Variants in C10orf88 observed in about 807,000 individuals in gnomAD.
C10orf88 encodes the protein ATPase PAAT.
A neutral mutation model predicts 34.2 loss-of-function variants in C10orf88; 29 were observed. That is an observed-to-expected ratio of 0.85 (90% CI 0.63 to 1.16). C10orf88 has a LOEUF of 1.16. Among genes scored for constraint, C10orf88 ranks in the 50% most tolerant of loss-of-function variants. C10orf88 has a pLI of 0.00. For synonymous variants in C10orf88, 194 were observed against 197.4 expected (o/e 0.98, Z 0.15); for missense variants, 507 against 533.2 (o/e 0.95, Z 0.48).
chr10:122,949,122 C>T lies in C10orf88; in HGVS notation c.442-267G>A, dbSNP rs186220099. Among the ~76,000 whole-genome samples, 198 of 152,154 alleles carry T rather than the reference C, an allele frequency of 1.3e-3. 1 individual carries two copies. The highest frequency in any genetic ancestry group is 4.4e-3 in the African/African-American group (183 of 41,532). ...AATGAGGTGATTAAATAAATGTTTA[C>T]CTATTTAAAGAACTAAAAATAAACT... On this transcript the variant is annotated intron_variant, in intron 3 of 5. Coordinates refer to ENST00000481909, the MANE Select transcript of C10orf88 (RefSeq NM_024942.4).
At chr10:122,941,288 C>T (rs1271074864) in intron 4 of C10orf88, among the ~76,000 whole-genome samples, 1 of 151,996 alleles carries the variant, frequency 6.6e-6, no homozygotes, top group East Asian at 1.9e-4. Context: ...AAATCAAAGC[C>T]AGCAAACTGA....
At chr10:122,951,748 C>T (rs1421781754) in intron 3 of C10orf88, among the ~76,000 whole-genome samples, 1 of 151,932 alleles carries the variant, frequency 6.6e-6, no homozygotes, top group Admixed American at 6.6e-5. Context: ...AGGAAGTTAG[C>T]TTGAGCTGGG....
rs1848664865 is a variant in C10orf88 at position 122,948,862 on chromosome 10, TAAAAC to T, written c.442-12_442-8del. 4 of 1,605,454 alleles carry T rather than the reference TAAAAC, an allele frequency of 2.5e-6. No individual in the cohort carries two copies. The highest frequency in any genetic ancestry group is 3.4e-6 in the Non-Finnish European group (4 of 1,177,878). The stretch of plus-strand genomic sequence containing the variant: ...TTTCGCCAAAGGAGAGCAACTATTA[TAAAAC>T]AAAAGTTCCAGAAAAGAATGATATT... On this transcript the variant is annotated splice_region_variant and splice_polypyrimidine_tract_variant and intron_variant, in intron 3 of 5. Transcript: ENST00000481909.
chr10:122,945,666 C>T (rs1171547019), intron 4 of C10orf88, among the ~76,000 whole-genome samples: 1 of 151,588 alleles, frequency 6.6e-6, no homozygotes, highest in Admixed American at 6.6e-5. Flanking sequence ...AAATTAAATA[C>T]AAAAAAAGCT....
chr10:122,934,410 T>A (rs1848514815), intron 5 of C10orf88, among the ~76,000 whole-genome samples: 1 of 152,190 alleles, frequency 6.6e-6, no homozygotes, highest in South Asian at 2.1e-4. Context: ...AGTTTTATTA[T>A]TTTGAAAATA....
In C10orf88 at chr10:122,954,159, T is replaced by C. The variant is rs1226435862; in HGVS notation, c.20A>G (p.Asp7Gly). Residue 7 changes from aspartate (D) to glycine (G), a missense_variant, in exon 1 of 6, where the codon GAC becomes GGC. By Grantham distance (94) the Asp-to-Gly change is moderately conservative (BLOSUM62 -1). Coordinates refer to ENST00000481909, the MANE Select transcript of C10orf88 (RefSeq NM_024942.4). ...CGTGGGGCGGCGGGTGAGGCCCCCG[T>C]CCTCGGTCCGCGTCTCCATTCCGCC... is the stretch of plus-strand genomic sequence containing the variant. METRTEDGGLTRRPTLA... is the reference protein window; with the variant it reads METRTEGGGLTRRPTLA... 1 of 1,576,720 alleles carries C rather than the reference T, an allele frequency of 6.3e-7. No homozygotes were observed.
At chr10:122,951,687 C>T (rs1452641508) in intron 3 of C10orf88, among the ~76,000 whole-genome samples, 1 of 151,974 alleles carries the variant, frequency 6.6e-6, no homozygotes, top group Admixed American at 6.6e-5. Flanking sequence ...AAAAAATTTG[C>T]CAGGCATGGT....
intron 4 of C10orf88, among the ~76,000 whole-genome samples, chr10:122,942,916 G>A (rs1422760931): frequency 1.4e-5 from 2 of 145,700 alleles, no homozygotes; most frequent in African/African-American, 2.6e-5. Flanking sequence ...TCATGGGTAG[G>A]AAGAATCAAT....
In C10orf88 at chr10:122,952,041, G is replaced by T. The variant is rs774192106; in HGVS notation, c.369-15C>A. 6.9e-6 allele frequency: 9 copies of T among 1,305,922 alleles called. No homozygotes were observed. Among genetic ancestry groups the T allele is most frequent in the Non-Finnish European group, 9.6e-6 (9 of 934,976 alleles). 80.9% of individuals were successfully genotyped at this position (1,305,922 alleles called of 1,614,324 possible). A position where few individuals can be genotyped will look rare whatever the true frequency, so the allele number is the denominator to read the frequency against. On this transcript the variant is annotated splice_polypyrimidine_tract_variant and intron_variant, in intron 2 of 5. Transcript: ENST00000481909. ...TTTCATGTTCACTAAAAATAAAAAA[G>T]AATTAATTTTTTTTACTTACATATA...
intron 4 of C10orf88, among the ~76,000 whole-genome samples, chr10:122,944,429 A>G (rs1848618061): frequency 6.6e-6 from 1 of 151,308 alleles, no homozygotes; most frequent in African/African-American, 2.4e-5. Flanking sequence ...AATGCTAGAT[A>G]ACGAGTTAGT....
At chr10:122,946,695 T>TA in intron 4 of C10orf88, among the ~76,000 whole-genome samples, 1 of 152,204 alleles carries the variant, frequency 6.6e-6, no homozygotes, top group East Asian at 1.9e-4. Context: ...ATGAAACTGA[T>TA]ACGGATTTGG....
chr10:122,934,935 T>G (rs1848521204), intron 5 of C10orf88, among the ~76,000 whole-genome samples: 1 of 152,146 alleles, frequency 6.6e-6, no homozygotes, highest in Non-Finnish European at 1.5e-5. Context: ...TTCCTTGTGC[T>G]TATTTGCTAT....
intron 4 of C10orf88, among the ~76,000 whole-genome samples, chr10:122,943,360 T>C: frequency 6.6e-6 from 1 of 150,422 alleles, no homozygotes; most frequent in Non-Finnish European, 1.5e-5. Flanking sequence ...TTACACCTTA[T>C]ACAAAAATCA....
intron 5 of C10orf88, 81 bp downstream of exon 5, chr10:122,937,624 T>C (rs1008933879): frequency 1.6e-6 from 2 of 1,244,858 alleles, no homozygotes; most frequent in Admixed American, 2.3e-5. Flanking sequence ...TAGGCAGTAC[T>C]CATTGAGACA....
chr10:122,933,929 CA>C, intron 5 of C10orf88, among the ~76,000 whole-genome samples: 1 of 151,882 alleles, frequency 6.6e-6, no homozygotes, highest in Non-Finnish European at 1.5e-5. Context: ...TGTTAATATA[CA>C]GTGGGTTTAT....
rs1350368257 is a variant in C10orf88, at chr10:122,939,232, C to G, written c.649-1073G>C. Among the ~76,000 whole-genome samples, 3 of 151,298 alleles carry G rather than the reference C, an allele frequency of 2.0e-5. No individual in the cohort carries two copies. The South Asian group carries it at 6.2e-4, about 31-fold the overall frequency. The stretch of plus-strand genomic sequence containing the variant: ...AAATAAATTAAAATCCCTGACCTCA[C>G]AGAGCCTATATGACAGGGGAGCAAG... On this transcript the variant is annotated intron_variant, in intron 4 of 5. Transcript: ENST00000481909.
At chr10:122,953,987 C>T (rs375279415) in intron 1 of C10orf88, 28 bp downstream of exon 1, 3 of 1,494,706 alleles carry the variant, frequency 2.0e-6, no homozygotes, top group Non-Finnish European at 1.8e-6. Flanking sequence ...CCGAGCATAG[C>T]GACCCCGTCC....
intron 1 of C10orf88, 106 bp from the exon 2 acceptor site, chr10:122,953,138 C>G: frequency 1.1e-6 from 1 of 893,434 alleles, no homozygotes; most frequent in Non-Finnish European, 1.8e-6. Flanking sequence ...AATGCAGTGG[C>G]TCCATCTCGG....
intron 3 of C10orf88, among the ~76,000 whole-genome samples, chr10:122,951,753 G>C (rs913520554): frequency 6.6e-6 from 1 of 151,884 alleles, no homozygotes; most frequent in Non-Finnish European, 1.5e-5. Context: ...GTTAGCTTGA[G>C]CTGGGAGATG....
Sources: gnomAD v4.1 joint callset for allele counts (sites outside exome capture counted in the v4.1 genomes callset) on GRCh38, gnomAD v4.1.1 for gene constraint, MANE v1.5 for transcripts, NCBI Gene and HGNC (gene_info 2026-07-23, HGNC 2026-07-21) for gene names.